Variants in FAM135A observed in about 807,000 individuals in gnomAD.
FAM135A encodes protein FAM135A.
In FAM135A, 79 loss-of-function variants were observed where a neutral mutation model predicts 146.8. The observed-to-expected ratio is 0.54, with a 90% CI of 0.45 to 0.65. FAM135A has a LOEUF of 0.65. Ranked by LOEUF, FAM135A falls within the 30% of genes least tolerant of loss-of-function variation. FAM135A has a pLI of 0.00. For synonymous variants in FAM135A, 562 were observed against 603.6 expected (o/e 0.93, Z 1.01); for missense variants, 1,623 against 1,758.2 (o/e 0.92, Z 1.38).
At chr6:70,545,935 G>T (rs1235733167) in intron 20 of FAM135A, among the ~76,000 whole-genome samples, 1 of 152,082 alleles carries the variant, frequency 6.6e-6, no homozygotes, top group African/African-American at 2.4e-5. Flanking sequence ...AACTTAAAAA[G>T]CTACTTCTAA....
chr6:70,523,164 A>G (rs1793976768), intron 13 of FAM135A, among the ~76,000 whole-genome samples: 1 of 152,196 alleles, frequency 6.6e-6, no homozygotes, highest in South Asian at 2.1e-4. Context: ...GCAAGATGGA[A>G]AAAAGACAGG....
chr6:70,546,194 A>G (rs574303161), intron 20 of FAM135A, among the ~76,000 whole-genome samples: 1 of 152,216 alleles, frequency 6.6e-6, no homozygotes, highest in South Asian at 2.1e-4. Context: ...AATAAGTTAA[A>G]TAAAACAGGA....
intron 10 of FAM135A, 110 bp downstream of exon 10, chr6:70,482,264 T>G: frequency 9.6e-7 from 1 of 1,039,602 alleles, no homozygotes; most frequent in Non-Finnish European, 1.3e-6. Context: ...CTACAGTGTT[T>G]GTGTGCTTCA....
chr6:70,503,315 A>G (rs1788990723), intron 12 of FAM135A: 1 of 152,222 alleles, frequency 6.6e-6, no homozygotes, highest in African/African-American at 2.4e-5. Context: ...TAGCATCTCA[A>G]GAGGTTTTAC....
intron 1 of FAM135A, 157 bp downstream of exon 1, chr6:70,413,859 T>C (rs1766837893): frequency 8.1e-6 from 8 of 985,124 alleles, no homozygotes; most frequent in Non-Finnish European, 9.6e-6. Flanking sequence ...GGTCGGAGCC[T>C]GGCCCCGGCC....
chr6:70,489,282 A>G (rs1340540967), intron 10 of FAM135A, among the ~76,000 whole-genome samples: 2 of 152,322 alleles, frequency 1.3e-5, no homozygotes, highest in Non-Finnish European at 1.5e-5. Flanking sequence ...ATTAGAAGCC[A>G]CTGGTTTATC....
At chr6:70,522,690 G>T in intron 13 of FAM135A, 104 bp downstream of exon 13, 1 of 813,572 alleles carries the variant, frequency 1.2e-6, no homozygotes. Context: ...AACAATATAA[G>T]AAATTAGGAG....
At chr6:70,440,528 A>C (rs563829349) in intron 4 of FAM135A, among the ~76,000 whole-genome samples, 1 of 152,190 alleles carries the variant, frequency 6.6e-6, no homozygotes, top group Non-Finnish European at 1.5e-5. Flanking sequence ...CTCTACTAAA[A>C]ATACAAAAAA....
In FAM135A at chr6:70,428,310, T is replaced by C; in HGVS notation, c.-33T>C. The C allele has an allele frequency of 6.8e-7, 1 of 1,474,896 alleles. No homozygotes were observed. The highest frequency in any genetic ancestry group is 9.2e-7 in the Non-Finnish European group (1 of 1,090,012). 91.4% of individuals were successfully genotyped at this position (1,474,896 alleles called of 1,614,324 possible). On this transcript the variant is annotated 5_prime_UTR_variant, in exon 4 of 22. Transcript: ENST00000418814. ...TTCCCTTTCCTTAACAAAGGTGCTGTTATCAGAATAGTCTTCTGGGTATAA... is the reference window on the plus strand; with the variant it reads ...TTCCCTTTCCTTAACAAAGGTGCTGCTATCAGAATAGTCTTCTGGGTATAA...
intron 4 of FAM135A, among the ~76,000 whole-genome samples, chr6:70,448,221 AC>A (rs1776256839): frequency 6.6e-6 from 1 of 152,162 alleles, no homozygotes; most frequent in Non-Finnish European, 1.5e-5. Flanking sequence ...TTTTTCTTTA[AC>A]ATAATAATGA....
At chr6:70,494,842 A>G (rs1165373836) in intron 11 of FAM135A, among the ~76,000 whole-genome samples, 1 of 152,170 alleles carries the variant, frequency 6.6e-6, no homozygotes, top group African/African-American at 2.4e-5. Context: ...TTTATTTATT[A>G]GCCTGGGTTA....
chr6:70,425,426 G>A (rs572441161), intron 2 of FAM135A, among the ~76,000 whole-genome samples: 5 of 152,240 alleles, frequency 3.3e-5, no homozygotes, highest in African/African-American at 1.2e-4. Flanking sequence ...AGATAGCATT[G>A]TTTGATCTTA....
At chr6:70,527,001 A>G (rs1282063587) in intron 15 of FAM135A, among the ~76,000 whole-genome samples, 2 of 151,966 alleles carry the variant, frequency 1.3e-5, no homozygotes, top group Non-Finnish European at 2.9e-5. Flanking sequence ...CCTGATACAG[A>G]TTTTCCAATG....
At chr6:70,428,711 A>G (rs911472496) in intron 4 of FAM135A, among the ~76,000 whole-genome samples, 5 of 152,200 alleles carry the variant, frequency 3.3e-5, no homozygotes, top group African/African-American at 1.2e-4. Flanking sequence ...ATCTTATAGT[A>G]TAATGGGAAA....
intron 20 of FAM135A, among the ~76,000 whole-genome samples, chr6:70,551,093 T>C (rs528820988): frequency 3.9e-4 from 60 of 152,360 alleles, no homozygotes; most frequent in African/African-American, 1.2e-3. Flanking sequence ...GTTTGATCTT[T>C]CATCCACGCC....
intron 4 of FAM135A, among the ~76,000 whole-genome samples, chr6:70,434,205 T>C (rs1267423998): frequency 6.6e-6 from 1 of 152,226 alleles, no homozygotes; most frequent in African/African-American, 2.4e-5. Flanking sequence ...GAAGGAAATA[T>C]TGCCCTTTAA....
chr6:70,480,258 G>A (rs1007639249), intron 8 of FAM135A, among the ~76,000 whole-genome samples: 2 of 152,076 alleles, frequency 1.3e-5, no homozygotes, highest in African/African-American at 4.8e-5. Context: ...GATTGCTTGA[G>A]GCCAGGAGTT....
intron 16 of FAM135A, among the ~76,000 whole-genome samples, chr6:70,530,347 G>A (rs1294321761): frequency 6.6e-6 from 1 of 151,998 alleles, no homozygotes; most frequent in African/African-American, 2.4e-5. Flanking sequence ...TATATTTCGA[G>A]CCTATAGAAA....
intron 11 of FAM135A, among the ~76,000 whole-genome samples, chr6:70,491,930 C>T (rs77937573): frequency 0.13 from 19,055 of 151,664 alleles, 1,474 homozygotes; most frequent in Middle Eastern, 0.19. Flanking sequence ...ACATATGATA[C>T]TCCTGTAGAT....
Sources: gnomAD v4.1 joint callset for allele counts (sites outside exome capture counted in the v4.1 genomes callset) on GRCh38, gnomAD v4.1.1 for gene constraint, MANE v1.5 for transcripts, NCBI Gene and HGNC (gene_info 2026-07-23, HGNC 2026-07-21) for gene names.